Variants in ERRFI1 observed in about 807,000 individuals in gnomAD.
The protein encoded by ERRFI1 is mitogen-inducible gene 6 protein.
Under a neutral mutation model 14.6 loss-of-function variants are expected in ERRFI1, and 12 were observed. The ratio of observed to expected loss-of-function variants is 0.82; its 90% CI spans 0.53 to 1.33. The LOEUF (loss-of-function observed/expected upper bound fraction) is 1.33. Ranked by LOEUF, ERRFI1 falls within the 40% of genes most tolerant of loss-of-function variation. ERRFI1 has a pLI of 0.00. For missense variants in ERRFI1, 482 were observed against 572.1 expected (o/e 0.84, Z 1.61); for synonymous variants, 202 against 209.9 (o/e 0.96, Z 0.32).
intron 1 of ERRFI1, among the ~76,000 whole-genome samples, chr1:8,016,281 C>G (rs192100765): frequency 1.1e-4 from 16 of 152,188 alleles, no homozygotes; most frequent in Non-Finnish European, 2.2e-4. Context: ...TCTCCAGTTA[C>G]TACTTGTTCA....
intron 1 of ERRFI1, among the ~76,000 whole-genome samples, chr1:8,020,639 G>A (rs1206899586): frequency 6.7e-6 from 1 of 149,076 alleles, no homozygotes; most frequent in Non-Finnish European, 1.5e-5. Flanking sequence ...CCACCTCCCA[G>A]GTTCAAGCGA....
At position 8,013,528 on chromosome 1, in the gene ERRFI1, C is replaced by T. The variant is rs2124056200; in HGVS notation, c.1071G>A (p.Lys357=). The stretch of plus-strand genomic sequence containing the variant: ...TTTGCAGTGCTTTGCTGCTGACATA[C>T]TTGGGATCAGGGGCAAAGCTCTGTG... ...PPTQSFAPDP[K]YVSSKALQRQ... Residue 357 remains lysine, a synonymous_variant, in exon 4 of 4, where the codon AAG becomes AAA. Transcript: ENST00000377482. This position sits in a 1 kb window ranked among gnomAD's most constrained non-coding sequence, Gnocchi z 4.3. 6.2e-7 allele frequency: 1 copy of T among 1,614,092 alleles called. No individual in the cohort carries two copies. Among genetic ancestry groups the T allele is most frequent in the Non-Finnish European group, 8.5e-7 (1 of 1,180,036 alleles).
In ERRFI1 at chr1:8,015,675, A is replaced by T; in HGVS notation, c.-56T>A. The T allele has an allele frequency of 6.2e-7, 1 of 1,608,414 alleles. No homozygotes were observed. The highest frequency in any genetic ancestry group is 8.5e-7 in the Non-Finnish European group (1 of 1,176,494). On this transcript the variant is annotated 5_prime_UTR_variant, in exon 2 of 4. In the 5' UTR this introduces an upstream ATG that the reference lacks. Coordinates refer to ENST00000377482, the MANE Select transcript of ERRFI1 (RefSeq NM_018948.4). The stretch of plus-strand genomic sequence containing the variant: ...GTGAGGCCCAGGCACTTTAAAATCA[A>T]CCAGTAGCTTTCATTCCCTGGGAGG...
At chr1:8,017,776 G>A (rs1641198950) in intron 1 of ERRFI1, among the ~76,000 whole-genome samples, 1 of 152,154 alleles carries the variant, frequency 6.6e-6, no homozygotes, top group Admixed American at 6.5e-5. Context: ...CCACCTGTCT[G>A]CAAGCCAACA....
chr1:8,024,832 T>G (rs757377590), intron 1 of ERRFI1, among the ~76,000 whole-genome samples: 68 of 152,200 alleles, frequency 4.5e-4, no homozygotes, highest in Non-Finnish European at 7.8e-4. Context: ...CAAAATTTGA[T>G]CATTTGCTGA....
chr1:8,024,566 T>C (rs1641318467), intron 1 of ERRFI1, among the ~76,000 whole-genome samples: 1 of 152,220 alleles, frequency 6.6e-6, no homozygotes, highest in South Asian at 2.1e-4. Context: ...CAATCTAATA[T>C]ATCTGTCAGG....
intron 1 of ERRFI1, among the ~76,000 whole-genome samples, chr1:8,023,060 T>C (rs561983807): frequency 6.6e-6 from 1 of 152,284 alleles, no homozygotes; most frequent in East Asian, 1.9e-4. Flanking sequence ...AGGTGACTTT[T>C]AAATGGAAAT....
intron 1 of ERRFI1, among the ~76,000 whole-genome samples, chr1:8,019,751 G>A (rs1309890195): frequency 6.6e-6 from 1 of 152,174 alleles, no homozygotes; most frequent in East Asian, 1.9e-4. Context: ...TAACAGGAAG[G>A]AATTTTTATG....
At chr1:8,014,444 A>C in intron 3 of ERRFI1, 48 bp from the exon 4 acceptor site, 35 of 1,486,130 alleles carry the variant, frequency 2.4e-5, no homozygotes, top group Non-Finnish European at 3.0e-5. Flanking sequence ...TCCTCTCTCC[A>C]CCTGTGTGAG....
chr1:8,014,480 C>T (rs1371649619), intron 3 of ERRFI1, 84 bp from the exon 4 acceptor site: 2 of 1,296,416 alleles, frequency 1.5e-6, no homozygotes, highest in Non-Finnish European at 2.1e-6. Context: ...GCTACCTATG[C>T]TTCCACAGCT....
chr1:8,017,968 C>T (rs1169621295), intron 1 of ERRFI1, among the ~76,000 whole-genome samples: 1 of 152,032 alleles, frequency 6.6e-6, no homozygotes, highest in Non-Finnish European at 1.5e-5. Context: ...TCATTGTTTC[C>T]ATCACCTACT....
chr1:8,013,546 G>T lies in ERRFI1; in HGVS notation c.1053C>A (p.Ser351Arg). 6.2e-7 allele frequency: 1 copy of T among 1,614,126 alleles called. No homozygotes were observed. Among genetic ancestry groups the T allele is most frequent in the Non-Finnish European group, 8.5e-7 (1 of 1,180,042 alleles). Residue 351 changes from serine to arginine, a missense_variant, in exon 4 of 4, where the codon AGC becomes AGA. Transcript: ENST00000377482. The surrounding 1 kb of genome is among the most constrained non-coding windows in gnomAD (Gnocchi z 4.3). The stretch of plus-strand genomic sequence containing the variant: ...TGACATACTTGGGATCAGGGGCAAA[G>T]CTCTGTGTCGGGGGCATGACCCCAT... ...YLNGVMPPTQ[S>R]FAPDPKYVSS...
At chr1:8,022,004 G>C (rs1349138469) in intron 1 of ERRFI1, among the ~76,000 whole-genome samples, 2 of 152,232 alleles carry the variant, frequency 1.3e-5, no homozygotes, top group Middle Eastern at 3.4e-3. Context: ...GGATTTACTG[G>C]TAATAGTTTT....
chr1:8,013,026 TAACA>T lies in ERRFI1; in HGVS notation c.*180_*183del. On this transcript the variant is annotated 3_prime_UTR_variant, in exon 4 of 4. Coordinates refer to ENST00000377482, the MANE Select transcript of ERRFI1 (RefSeq NM_018948.4). The surrounding 1 kb of genome is among the most constrained non-coding windows in gnomAD (Gnocchi z 4.3). ...GACTTGTAAGACTTTTTTCCAACAC[TAACA>T]AAGTCAGGGTTTCTCAGCATAACAG... 1 of 586,616 alleles carries T rather than the reference TAACA, an allele frequency of 1.7e-6. No individual in the cohort carries two copies. 36.3% of individuals were successfully genotyped at this position (586,616 alleles called of 1,614,324 possible).
chr1:8,023,016 T>C (rs2124077385), intron 1 of ERRFI1, among the ~76,000 whole-genome samples: 1 of 152,192 alleles, frequency 6.6e-6, no homozygotes, highest in Non-Finnish European at 1.5e-5. Context: ...GGAGCATATA[T>C]TTACACAGGT....
chr1:8,020,084 A>G (rs1002135887), intron 1 of ERRFI1, among the ~76,000 whole-genome samples: 2 of 151,992 alleles, frequency 1.3e-5, no homozygotes, highest in African/African-American at 2.4e-5. Flanking sequence ...TAAAAAAAAA[A>G]AAAAAAGAAA....
rs191568128 is a variant in ERRFI1 at position 8,024,568 on chromosome 1, T to C, written c.-74+1590A>G. On this transcript the variant is annotated intron_variant, in intron 1 of 3. Coordinates refer to ENST00000377482, the MANE Select transcript of ERRFI1 (RefSeq NM_018948.4). ...CTTAAGGAGTTTACAATCTAATATA[T>C]CTGTCAGGTTATAAATCGTTAGTCT... 4.4e-4 allele frequency among the ~76,000 whole-genome samples: 67 copies of C among 152,306 alleles called. No individual in the cohort carries two copies. The East Asian group carries it at 4.6e-3, about 11-fold the overall frequency.
Position 8,012,427 on chromosome 1 carries a change from G to A in ERRFI1, c.*783C>T, listed in dbSNP as rs546766434. On this transcript the variant is annotated 3_prime_UTR_variant, in exon 4 of 4. Transcript: ENST00000377482. ...CTGCCTCTAATACGGCCCGCACTAC[G>A]ATGAGCTACTTCAGTGGGTGGGACC... 6.5e-5 allele frequency: 15 copies of A among 230,448 alleles called. No homozygotes were observed. The highest frequency in any genetic ancestry group is 9.5e-5 in the Non-Finnish European group (11 of 115,940). 14.3% of individuals were successfully genotyped at this position (230,448 alleles called of 1,614,324 possible).
At chr1:8,020,834 C>T (rs1641265636) in intron 1 of ERRFI1, among the ~76,000 whole-genome samples, 1 of 152,128 alleles carries the variant, frequency 6.6e-6, no homozygotes, top group African/African-American at 2.4e-5. Flanking sequence ...CGTGAGATAC[C>T]ACGCCCGGCC....
Sources: gnomAD v4.1 joint callset for allele counts (sites outside exome capture counted in the v4.1 genomes callset) on GRCh38, gnomAD v4.1.1 for gene constraint, Gnocchi (gnomAD v3.1) non-coding constraint, MANE v1.5 for transcripts, NCBI Gene and HGNC (gene_info 2026-07-23, HGNC 2026-07-21) for gene names.